Variants in IFI16 observed in about 807,000 individuals in gnomAD.
IFI16 encodes the protein interferon gamma inducible protein 16.
IFI16 carries 49 observed loss-of-function variants against 68.4 expected under a neutral mutation model. The observed-to-expected ratio is 0.72, with a 90% confidence interval of 0.57 to 0.91. The LOEUF is 0.91. Ranked by LOEUF, IFI16 falls within the 40% of genes least tolerant of loss-of-function variation. The pLI is 0.00. For synonymous variants in IFI16, 307 were observed against 315.0 expected (o/e 0.97, Z 0.27); for missense variants, 878 against 942.9 (o/e 0.93, Z 0.90).
upstream of IFI16, among the ~76,000 whole-genome samples, chr1:159,007,869 G>A (rs2101783965): frequency 6.6e-6 from 1 of 152,302 alleles, no homozygotes; most frequent in South Asian, 2.1e-4. Flanking sequence ...TCTCTAAAAA[G>A]GGGAAACTTT....
intron 6 of IFI16, among the ~76,000 whole-genome samples, chr1:159,031,233 G>A (rs146917878): frequency 0.013 from 1,966 of 152,230 alleles, 20 homozygotes; most frequent in Non-Finnish European, 0.018. Context: ...GAGCAGAGCT[G>A]AGAACTTGCT....
intron 6 of IFI16, among the ~76,000 whole-genome samples, chr1:159,028,952 A>G (rs964770260): frequency 2.8e-4 from 42 of 152,284 alleles, no homozygotes; most frequent in African/African-American, 9.6e-4. Context: ...GCTGTTCTGT[A>G]TGCTTTAAGT....
intron 6 of IFI16, among the ~76,000 whole-genome samples, chr1:159,027,308 A>G (rs187529073): frequency 1.3e-5 from 2 of 151,984 alleles, no homozygotes; most frequent in African/African-American, 2.4e-5. Context: ...GTTTTTAATT[A>G]TATTTGTGTG....
At position 159,014,816 on chromosome 1, in the gene IFI16, A is replaced by C; in HGVS notation, c.136A>C (p.Ile46Leu). ...AAAAATGAGAGAAGAGTATGACAAAATTCAGATTGCTGACTTGATGGAAGA... is the reference window on the plus strand; with the variant it reads ...AAAAATGAGAGAAGAGTATGACAAACTTCAGATTGCTGACTTGATGGAAGA... ...NLKMREEYDK[I>L]QIADLMEEKF... Residue 46 changes from isoleucine to leucine, a missense_variant, in exon 2 of 12, where the codon ATT becomes CTT. Physicochemically the swap from Ile to Leu is conservative, Grantham distance 5. Around this residue, in one of 4 missense-constraint regions of IFI16, gnomAD observed 65 missense variants for 96.9 expected, o/e 0.67. Coordinates refer to ENST00000295809, the MANE Select transcript of IFI16 (RefSeq NM_001376587.1). The C allele has an allele frequency of 6.2e-7, 1 of 1,614,168 alleles. No individual in the cohort carries two copies. The highest frequency in any genetic ancestry group is 8.5e-7 in the Non-Finnish European group (1 of 1,179,980).
chr1:159,040,483 G>A (rs934041246), intron 7 of IFI16, among the ~76,000 whole-genome samples: 11 of 152,166 alleles, frequency 7.2e-5, no homozygotes, highest in South Asian at 6.2e-4. Context: ...CTCATGCTAC[G>A]AAGTATGTAG....
upstream of IFI16, among the ~76,000 whole-genome samples, chr1:159,004,404 G>A (rs1220508262): frequency 6.6e-6 from 1 of 151,500 alleles, no homozygotes; most frequent in African/African-American, 2.4e-5. Context: ...AGTAATTTGG[G>A]GTAAGAATTC....
chr1:159,046,861 A>G (rs982453088), intron 8 of IFI16, among the ~76,000 whole-genome samples: 2 of 151,434 alleles, frequency 1.3e-5, no homozygotes, highest in Non-Finnish European at 3.0e-5. Flanking sequence ...TATCATAGCT[A>G]TAATAAACCT....
chr1:159,026,002 G>C (rs1053848010), intron 6 of IFI16, among the ~76,000 whole-genome samples: 5 of 152,036 alleles, frequency 3.3e-5, no homozygotes, highest in Non-Finnish European at 5.9e-5. Flanking sequence ...TTTATTTTTG[G>C]GTTCTCTATT....
At chr1:159,033,999 C>T (rs888172757) in intron 7 of IFI16, among the ~76,000 whole-genome samples, 1 of 152,158 alleles carries the variant, frequency 6.6e-6, no homozygotes, top group Admixed American at 6.5e-5. Flanking sequence ...GTTATACTTC[C>T]TTGCCCTTGG....
intron 7 of IFI16, among the ~76,000 whole-genome samples, chr1:159,043,020 G>A (rs1300482009): frequency 1.3e-5 from 2 of 152,156 alleles, no homozygotes; most frequent in Non-Finnish European, 2.9e-5. Context: ...GCCCCAAGCT[G>A]CCCCCGGCCC....
chr1:159,021,303 T>G (rs1370735057), intron 6 of IFI16, among the ~76,000 whole-genome samples: 1 of 152,224 alleles, frequency 6.6e-6, no homozygotes, highest in Non-Finnish European at 1.5e-5. Flanking sequence ...CTTATGCCTT[T>G]GTGTCCTCAT....
chr1:159,046,116 A>T (rs1376768424), intron 8 of IFI16, among the ~76,000 whole-genome samples: 1 of 151,362 alleles, frequency 6.6e-6, no homozygotes, highest in African/African-American at 2.4e-5. Context: ...TTGCATGGTT[A>T]TTCCATACAT....
At chr1:159,008,607 G>T (rs552984643), upstream of IFI16, among the ~76,000 whole-genome samples, 5 of 152,186 alleles carry the variant, frequency 3.3e-5, 1 homozygote, top group South Asian at 1.0e-3. Flanking sequence ...TTGACCTCTG[G>T]ATTGGGGTTC....
chr1:159,016,819 A>C, intron 4 of IFI16, 119 bp downstream of exon 4: 1 of 852,568 alleles, frequency 1.2e-6, no homozygotes, highest in Admixed American at 2.4e-5. Flanking sequence ...GTACATATTG[A>C]GAAACCACTA....
chr1:159,008,824 A>C (rs1652374315), upstream of IFI16, among the ~76,000 whole-genome samples: 1 of 151,322 alleles, frequency 6.6e-6, no homozygotes. Context: ...GAATTCAGCT[A>C]TTCACTTCAT....
chr1:159,031,803 C>T (rs856055), intron 6 of IFI16, among the ~76,000 whole-genome samples: 106,751 of 151,996 alleles, frequency 0.7, 40,228 homozygotes, highest in Admixed American at 0.84. Flanking sequence ...AATGATGTTC[C>T]TCATAGGCTT....
chr1:159,010,887 A>G (rs903914718), intron 1 of IFI16, among the ~76,000 whole-genome samples: 2 of 152,200 alleles, frequency 1.3e-5, no homozygotes, highest in African/African-American at 2.4e-5. Context: ...TTACTTTTCA[A>G]ATTTTTAAAA....
intron 1 of IFI16, among the ~76,000 whole-genome samples, chr1:159,012,687 G>GAT (rs1476358101): frequency 2.0e-5 from 3 of 152,048 alleles, no homozygotes; most frequent in Non-Finnish European, 2.9e-5. Context: ...AAGCTGACCG[G>GAT]ATTGGCTACT....
At chr1:159,019,464 G>A (rs898556506) in intron 5 of IFI16, among the ~76,000 whole-genome samples, 12 of 141,688 alleles carry the variant, frequency 8.5e-5, no homozygotes, top group South Asian at 2.2e-4. Flanking sequence ...TCTGTACACA[G>A]TCTTTTTTTT....
Sources: allele counts gnomAD v4.1 joint callset (sites outside exome capture counted in the v4.1 genomes callset), GRCh38; gene constraint gnomAD v4.1.1; regional missense constraint gnomAD v4.1.1; transcripts MANE v1.5; gene names NCBI Gene and HGNC (gene_info 2026-07-23, HGNC 2026-07-21).